Variants in CENPP observed in about 807,000 individuals in gnomAD.
CENPP encodes the protein centromere protein P.
A neutral mutation model predicts 35.6 loss-of-function variants in CENPP; 24 were observed. The observed-to-expected ratio is 0.67, with a 90% CI of 0.49 to 0.95. CENPP has a LOEUF of 0.95. CENPP is among the 40% of genes least tolerant of loss of function. The probability of loss-of-function intolerance (pLI) is 0.00; values close to 1 mark genes in which losing one functional copy is unlikely to be tolerated. For synonymous variants in CENPP, 120 were observed against 125.5 expected (o/e 0.96, Z 0.29); for missense variants, 332 against 345.3 (o/e 0.96, Z 0.31).
At chr9:92,534,911 C>T (rs911091859) in intron 5 of CENPP, among the ~76,000 whole-genome samples, 1 of 152,110 alleles carries the variant, frequency 6.6e-6, no homozygotes, top group African/African-American at 2.4e-5. Flanking sequence ...GCCTAGACCT[C>T]GAGGCTCTAG....
At chr9:92,457,318 C>CA in intron 5 of CENPP, 2 of 1,613,986 alleles carry the variant, frequency 1.2e-6, no homozygotes, top group Non-Finnish European at 1.7e-6. Context: ...GCTGAACGCT[C>CA]ATTCTGCTCA....
At chr9:92,586,977 G>A (rs1359321564) in intron 5 of CENPP, among the ~76,000 whole-genome samples, 1 of 125,766 alleles carries the variant, frequency 8.0e-6, no homozygotes, top group Non-Finnish European at 1.6e-5. Context: ...AAAGAAACAG[G>A]AAAGAATGTC....
chr9:92,348,825 T>C (rs1841369434), intron 4 of CENPP, among the ~76,000 whole-genome samples: 1 of 152,246 alleles, frequency 6.6e-6, no homozygotes. Context: ...GTAGACAGGT[T>C]TAAAGATAAA....
chr9:92,335,408 A>G (rs1840894609), intron 2 of CENPP, among the ~76,000 whole-genome samples: 1 of 152,092 alleles, frequency 6.6e-6, no homozygotes, highest in Non-Finnish European at 1.5e-5. Flanking sequence ...CCAGGATTCC[A>G]TCTGCATTTT....
chr9:92,545,372 A>T (rs945406246), intron 5 of CENPP, among the ~76,000 whole-genome samples: 1 of 152,154 alleles, frequency 6.6e-6, no homozygotes, highest in Non-Finnish European at 1.5e-5. Flanking sequence ...GGGAGCGGGC[A>T]GTGAGGGACT....
At chr9:92,458,749 C>T (rs764429716) in intron 5 of CENPP, among the ~76,000 whole-genome samples, 46 of 152,112 alleles carry the variant, frequency 3.0e-4, no homozygotes, top group Non-Finnish European at 2.8e-4. Context: ...TGAGAGAGGA[C>T]GGACTCAAGT....
intron 1 of CENPP, among the ~76,000 whole-genome samples, chr9:92,328,199 G>C (rs185131620): frequency 6.6e-6 from 1 of 152,194 alleles, no homozygotes; most frequent in African/African-American, 2.4e-5. Flanking sequence ...AAAGTCAGAA[G>C]AGTCCAGATT....
intron 4 of CENPP, among the ~76,000 whole-genome samples, chr9:92,358,244 A>T: frequency 6.8e-6 from 1 of 147,266 alleles, no homozygotes; most frequent in Admixed American, 6.8e-5. Context: ...GTTTCCTTAC[A>T]TTCTTTTTTT....
rs192508172 is a variant in CENPP at position 92,456,770 on chromosome 9, C to T, written c.564+76911C>T. 1.5e-3 allele frequency: 298 copies of T among 197,776 alleles called. 2 individuals carry two copies. Among genetic ancestry groups the T allele is most frequent in the Middle Eastern group, 0.013 (5 of 388 alleles). The allele number at this position is 197,776 out of a possible 1,614,324, so 12.3% of individuals were successfully genotyped here. ...GCTCTAAGACATGATAAGGTAATTT[C>T]AATAAGATTATATCAAATCATACTT... On this transcript the variant is annotated intron_variant, in intron 5 of 7. Transcript: ENST00000375587.
At chr9:92,516,468 T>C (rs1847730380) in intron 5 of CENPP, among the ~76,000 whole-genome samples, 1 of 152,204 alleles carries the variant, frequency 6.6e-6, no homozygotes, top group South Asian at 2.1e-4. Context: ...ACTCAGGAAA[T>C]ATAATTATTT....
chr9:92,417,201 T>G, intron 5 of CENPP: 1 of 1,614,010 alleles, frequency 6.2e-7, no homozygotes. Flanking sequence ...CTGAGGTTAA[T>G]TTCTTTAAGA....
Position 92,613,435 on chromosome 9 carries a change from G to A in CENPP, c.*286G>A, listed in dbSNP as rs1045703518. 9 of 337,452 alleles carry A rather than the reference G, an allele frequency of 2.7e-5. No individual in the cohort carries two copies. The highest frequency in any genetic ancestry group is 4.6e-5 in the Non-Finnish European group (8 of 175,736). The allele number at this position is 337,452 out of a possible 1,614,324, so 20.9% of individuals were successfully genotyped here. A position where few individuals can be genotyped will look rare whatever the true frequency, so the allele number is the denominator to read the frequency against. On this transcript the variant is annotated 3_prime_UTR_variant, in exon 8 of 8. Coordinates refer to ENST00000375587, the MANE Select transcript of CENPP (RefSeq NM_001012267.3). ...TGTGTGTCCTCAGATGTGTGGGGAG[G>A]ATCCATCCCCCACCCACTGCAGCCT...
chr9:92,365,967 T>C (rs1226612624), intron 4 of CENPP, among the ~76,000 whole-genome samples: 1 of 151,328 alleles, frequency 6.6e-6, no homozygotes, highest in Non-Finnish European at 1.5e-5. Flanking sequence ...GATCACGAGG[T>C]CAGGAGATCG....
At chr9:92,533,853 C>T (rs10435919) in intron 5 of CENPP, among the ~76,000 whole-genome samples, 101,041 of 151,912 alleles carry the variant, frequency 0.67, 35,279 homozygotes, top group African/African-American at 0.89. Context: ...TTAGTGTTGC[C>T]GATGAGAAAT....
In CENPP at chr9:92,522,259, TG is replaced by T. The variant is rs571976550; in HGVS notation, c.565-89054del. Among the ~76,000 whole-genome samples, 17 of 152,210 alleles carry T rather than the reference TG, an allele frequency of 1.1e-4. No individual in the cohort carries two copies. The East Asian group carries it at 3.1e-3, about 28-fold the overall frequency. Reference sequence around the variant, plus strand: ...ATGCCACCACACCCGGCTAATTTTTTGTATTTTTAGTAGAGACGGGGTTTCA... The same window carrying T: ...ATGCCACCACACCCGGCTAATTTTTTTATTTTTAGTAGAGACGGGGTTTCA... On this transcript the variant is annotated intron_variant, in intron 5 of 7. Coordinates refer to ENST00000375587, the MANE Select transcript of CENPP (RefSeq NM_001012267.3).
At chr9:92,412,346 C>T (rs1490493094) in intron 5 of CENPP, among the ~76,000 whole-genome samples, 1 of 152,150 alleles carries the variant, frequency 6.6e-6, no homozygotes, top group Non-Finnish European at 1.5e-5. Flanking sequence ...CTTGGTCTTC[C>T]AGAGCACTAG....
intron 5 of CENPP, among the ~76,000 whole-genome samples, chr9:92,450,852 G>A (rs938604206): frequency 3.3e-5 from 5 of 152,118 alleles, no homozygotes; most frequent in Admixed American, 6.6e-5. Flanking sequence ...GTCAGTGATG[G>A]TGAGCATTTT....
intron 5 of CENPP, chr9:92,516,969 AGT>A: frequency 6.6e-6 from 1 of 152,360 alleles, no homozygotes; most frequent in Non-Finnish European, 1.5e-5. Flanking sequence ...TTATTTAACA[AGT>A]ATTTATTTGC....
chr9:92,588,782 A>C (rs560612485), intron 5 of CENPP, among the ~76,000 whole-genome samples: 7 of 152,280 alleles, frequency 4.6e-5, no homozygotes, highest in Admixed American at 3.9e-4. Context: ...AAGAAGGTGG[A>C]ACCTTGGCTG....
Sources: gnomAD v4.1 joint callset for allele counts (sites outside exome capture counted in the v4.1 genomes callset) on GRCh38, gnomAD v4.1.1 for gene constraint, MANE v1.5 for transcripts, NCBI Gene and HGNC (gene_info 2026-07-23, HGNC 2026-07-21) for gene names.